Variants in RGS6 observed in about 807,000 individuals in gnomAD.
The protein encoded by RGS6 is regulator of G-protein signaling 6.
In RGS6, 30 loss-of-function variants were observed where a neutral mutation model predicts 78.5. That is an observed-to-expected ratio of 0.38 (90% CI 0.29 to 0.52). The LOEUF is 0.52. Among genes scored for constraint, RGS6 ranks in the 20% least tolerant of loss-of-function variants. The pLI is 0.85. For missense variants in RGS6, 495 were observed against 609.7 expected, an observed-to-expected ratio of 0.81 and a Z score of 1.98; for synonymous variants, 206 against 206.0, an observed-to-expected ratio of 1.00 and a Z score of 0.00.
chr14:72,457,541 C>T (rs554729154), intron 4 of RGS6, among the ~76,000 whole-genome samples: 10 of 152,204 alleles, frequency 6.6e-5, no homozygotes, highest in Non-Finnish European at 1.3e-4. Context: ...TCAAGCAATC[C>T]GCCTGCCTCT....
chr14:72,535,582 T>G (rs950031309), intron 15 of RGS6, among the ~76,000 whole-genome samples: 7 of 152,218 alleles, frequency 4.6e-5, no homozygotes, highest in Non-Finnish European at 4.4e-5. Flanking sequence ...CATGTATGTA[T>G]GTGTGCATTT....
intron 6 of RGS6, among the ~76,000 whole-genome samples, chr14:72,463,571 A>T (rs1544522): frequency 0.77 from 117,700 of 151,972 alleles, 46,634 homozygotes; most frequent in East Asian, 0.97. Flanking sequence ...GACCCCGCTT[A>T]CCCATTTGGA....
At chr14:71,953,181 C>T (rs1196805375) in intron 1 of RGS6, among the ~76,000 whole-genome samples, 1 of 152,140 alleles carries the variant, frequency 6.6e-6, no homozygotes, top group East Asian at 1.9e-4. Flanking sequence ...CATTGCTAAC[C>T]AGGAGGGTGG....
the RGS6 span, among the ~76,000 whole-genome samples, chr14:71,893,126 A>G: frequency 1.3e-5 from 2 of 152,256 alleles, no homozygotes; most frequent in Non-Finnish European, 2.9e-5. Context: ...ATCAGGAATT[A>G]TACACTAAAG....
At chr14:72,487,133 A>G (rs1240948460) in intron 12 of RGS6, among the ~76,000 whole-genome samples, 1 of 152,120 alleles carries the variant, frequency 6.6e-6, no homozygotes, top group Non-Finnish European at 1.5e-5. Flanking sequence ...TTTCCATGCA[A>G]TGATGATGGC....
chr14:72,536,903 A>G (rs1314701834), intron 16 of RGS6, among the ~76,000 whole-genome samples: 2 of 152,044 alleles, frequency 1.3e-5, no homozygotes, highest in Non-Finnish European at 1.5e-5. Flanking sequence ...GAACTCAGCC[A>G]TGGTTCCTTG....
chr14:72,065,315 G>T (rs1280921420), intron 2 of RGS6, among the ~76,000 whole-genome samples: 1 of 152,120 alleles, frequency 6.6e-6, no homozygotes, highest in Non-Finnish European at 1.5e-5. Flanking sequence ...TTGTCAAGTG[G>T]TTTACAGGCC....
chr14:72,252,837 C>A (rs1183190700), intron 2 of RGS6, among the ~76,000 whole-genome samples: 1 of 152,168 alleles, frequency 6.6e-6, no homozygotes, highest in Non-Finnish European at 1.5e-5. Context: ...GATACAATGA[C>A]ATGTTCTAGA....
chr14:72,229,823 A>G (rs7144256), intron 2 of RGS6, among the ~76,000 whole-genome samples: 2,964 of 152,228 alleles, frequency 0.019, 91 homozygotes, highest in African/African-American at 0.068. Context: ...CATGCTCTTC[A>G]TGGTGTGGTT....
intron 2 of RGS6, among the ~76,000 whole-genome samples, chr14:72,111,404 G>A (rs1018845553): frequency 6.6e-6 from 1 of 152,056 alleles, no homozygotes; most frequent in Non-Finnish European, 1.5e-5. Flanking sequence ...GTAACATAGG[G>A]CACTAGATTA....
chr14:71,906,069 C>A, the RGS6 span, among the ~76,000 whole-genome samples: 2 of 152,174 alleles, frequency 1.3e-5, no homozygotes, highest in African/African-American at 4.8e-5. Flanking sequence ...TCTGAAGTCT[C>A]GATCTGACCC....
chr14:72,071,721 TAGACTC>T (rs1299467752), intron 2 of RGS6, among the ~76,000 whole-genome samples: 2 of 152,230 alleles, frequency 1.3e-5, no homozygotes, highest in African/African-American at 4.8e-5. Flanking sequence ...AATACTCTAG[TAGACTC>T]AGAATAGAAA....
chr14:72,405,157 G>A (rs937060069), intron 3 of RGS6, among the ~76,000 whole-genome samples: 5 of 152,186 alleles, frequency 3.3e-5, no homozygotes, highest in Non-Finnish European at 5.9e-5. Context: ...AGAACGTAAA[G>A]GGGGAGCTGG....
At chr14:72,104,600 C>G (rs942778011) in intron 2 of RGS6, among the ~76,000 whole-genome samples, 11 of 152,198 alleles carry the variant, frequency 7.2e-5, no homozygotes, top group Non-Finnish European at 1.5e-4. Context: ...GCCACCGTGG[C>G]CTTTGATGCC....
chr14:72,243,750 G>A (rs1312664109), intron 2 of RGS6, among the ~76,000 whole-genome samples: 3 of 151,744 alleles, frequency 2.0e-5, no homozygotes, highest in East Asian at 3.9e-4. Flanking sequence ...TCTAGGAAAA[G>A]CACCTTTTTT....
chr14:72,508,012 G>T (rs1167056495), intron 13 of RGS6, among the ~76,000 whole-genome samples: 1 of 152,208 alleles, frequency 6.6e-6, no homozygotes, highest in Non-Finnish European at 1.5e-5. Context: ...TAGGTCTGTG[G>T]CTTGCGTTTG....
At chr14:72,416,203 G>T (rs946069957) in intron 3 of RGS6, among the ~76,000 whole-genome samples, 2 of 149,364 alleles carry the variant, frequency 1.3e-5, no homozygotes, top group African/African-American at 4.9e-5. Flanking sequence ...GAAATTAAAA[G>T]AATCTAAATA....
chr14:72,563,111 G>T lies in RGS6; in HGVS notation c.*644G>T. On this transcript the variant is annotated 3_prime_UTR_variant, in exon 18 of 18. Transcript: ENST00000553525. ...TCTTTCCACCCTCTTTGAGATCAGC[G>T]TTCGGAGAGGTCCCCGCCAGCCCGG... 2 of 329,810 alleles carry T rather than the reference G, an allele frequency of 6.1e-6. No homozygotes were observed. Among genetic ancestry groups the T allele is most frequent in the South Asian group, 3.5e-5 (1 of 28,810 alleles). The allele number at this position is 329,810 out of a possible 1,614,324, so 20.4% of individuals were successfully genotyped here. A position where few individuals can be genotyped will look rare whatever the true frequency, so the allele number is the denominator to read the frequency against.
chr14:72,245,501 G>T (rs563770644), intron 2 of RGS6, among the ~76,000 whole-genome samples: 1 of 152,240 alleles, frequency 6.6e-6, no homozygotes, highest in African/African-American at 2.4e-5. Flanking sequence ...GCAGGATCAC[G>T]CCCTTAAGAC....
Sources: gnomAD v4.1 joint callset for allele counts (sites outside exome capture counted in the v4.1 genomes callset) on GRCh38, gnomAD v4.1.1 for gene constraint, MANE v1.5 for transcripts, NCBI Gene and HGNC (gene_info 2026-07-23, HGNC 2026-07-21) for gene names.